BCAS3: variants seen among roughly 807,000 people sequenced by gnomAD.
BCAS3 encodes the protein BCAS3 microtubule associated cell migration factor.
A neutral mutation model predicts 116.1 loss-of-function variants in BCAS3; 53 were observed. That is an observed-to-expected ratio of 0.46 (90% CI 0.37 to 0.57). The LOEUF (loss-of-function observed/expected upper bound fraction) is 0.57. Among genes scored for constraint, BCAS3 ranks in the 20% least tolerant of loss-of-function variants. The pLI is 0.00. For missense variants in BCAS3, 917 were observed against 1,165.4 expected (o/e 0.79, Z 3.10); for synonymous variants, 391 against 408.2 (o/e 0.96, Z 0.51).
intron 22 of BCAS3, among the ~76,000 whole-genome samples, chr17:61,100,746 T>C (rs1293278812): frequency 6.6e-6 from 1 of 152,168 alleles, no homozygotes; most frequent in Non-Finnish European, 1.5e-5. Context: ...AAAGAGAAAC[T>C]GTGTGGCTAG....
rs571064997 is a variant in BCAS3 at position 61,008,376 on chromosome 17, C to G, written c.1487-7375C>G. Among the ~76,000 whole-genome samples, 2 of 151,936 alleles carry G rather than the reference C, an allele frequency of 1.3e-5. No homozygotes were observed. Among genetic ancestry groups the G allele is most frequent in the Admixed American group, 6.6e-5 (1 of 15,246 alleles). On this transcript the variant is annotated intron_variant, in intron 15 of 23. Coordinates refer to ENST00000407086, the MANE Select transcript of BCAS3 (RefSeq NM_017679.5). The surrounding 1 kb of genome is among the most constrained non-coding windows in gnomAD (Gnocchi z 4.6). The stretch of plus-strand genomic sequence containing the variant: ...AAAAATAACCCACCTGCAGGAAATT[C>G]CCTTCTACACAGGGTATTTTTTGTT...
At chr17:61,135,093 G>C (rs971600568) in intron 22 of BCAS3, among the ~76,000 whole-genome samples, 7 of 152,156 alleles carry the variant, frequency 4.6e-5, no homozygotes, top group Non-Finnish European at 8.8e-5. Context: ...AAACTGCGAC[G>C]TGTGAAGTGC....
intron 6 of BCAS3, among the ~76,000 whole-genome samples, chr17:60,765,760 C>A (rs1327346906): frequency 6.6e-6 from 1 of 152,144 alleles, no homozygotes; most frequent in South Asian, 2.1e-4. Flanking sequence ...TGGGGGAGTT[C>A]TCCTGGATAA....
intron 22 of BCAS3, among the ~76,000 whole-genome samples, chr17:61,340,632 C>T (rs146038240): frequency 2.6e-5 from 4 of 152,100 alleles, no homozygotes; most frequent in Admixed American, 6.5e-5. Flanking sequence ...CTGCGGGGGA[C>T]GGGGAGTGGG....
rs1441449731 is a variant in BCAS3 at position 61,214,202 on chromosome 17, T to TA, written c.2425+129644dup. ...CAACATGGCGAAACCCCATCTCTATTAAAAAATACAAAAATTAGCCAGGTG... is the reference window on the plus strand; with the variant it reads ...CAACATGGCGAAACCCCATCTCTATTAAAAAAATACAAAAATTAGCCAGGTG... On this transcript the variant is annotated intron_variant, in intron 22 of 23. Transcript: ENST00000407086. The surrounding 1 kb of genome is among the most constrained non-coding windows in gnomAD (Gnocchi z 4.4). Among the ~76,000 whole-genome samples the TA allele has an allele frequency of 6.6e-6, 1 of 151,530 alleles. No individual in the cohort carries two copies. The highest frequency in any genetic ancestry group is 2.4e-5 in the African/African-American group (1 of 41,208).
chr17:60,946,819 G>A (rs994402369), intron 13 of BCAS3, among the ~76,000 whole-genome samples: 1 of 152,154 alleles, frequency 6.6e-6, no homozygotes, highest in Non-Finnish European at 1.5e-5. Context: ...GCTGAGGCAG[G>A]AGGATCTCTT....
chr17:60,729,676 A>C (rs1361679292), intron 5 of BCAS3, among the ~76,000 whole-genome samples: 1 of 152,240 alleles, frequency 6.6e-6, no homozygotes, highest in Non-Finnish European at 1.5e-5. Flanking sequence ...GGGTTAAATC[A>C]AGATAGGTTT....
rs887664156 is a variant in BCAS3 at position 61,307,851 on chromosome 17, C to T, written c.2426-60476C>T. ...TTCCATATGACCTGTGTCAAATGCA[C>T]AGCAAAACATCTGATATATGGTTAC... is the stretch of plus-strand genomic sequence containing the variant. On this transcript the variant is annotated intron_variant, in intron 22 of 23. Transcript: ENST00000407086. This position sits in a 1 kb window ranked among gnomAD's most constrained non-coding sequence, Gnocchi z 4.7. 7.9e-5 allele frequency among the ~76,000 whole-genome samples: 12 copies of T among 152,124 alleles called. No homozygotes were observed. The highest frequency in any genetic ancestry group is 2.9e-4 in the African/African-American group (12 of 41,426).
At chr17:60,838,753 T>C (rs2051606082) in intron 7 of BCAS3, among the ~76,000 whole-genome samples, 4 of 152,328 alleles carry the variant, frequency 2.6e-5, no homozygotes, top group Admixed American at 2.6e-4. Context: ...TTTGGAAATG[T>C]TTTTCTAGAC....
intron 22 of BCAS3, among the ~76,000 whole-genome samples, chr17:61,093,256 G>A (rs2073743998): frequency 6.6e-6 from 1 of 152,052 alleles, no homozygotes; most frequent in African/African-American, 2.4e-5. Context: ...TATAGTTTAA[G>A]CCTTCACATT....
At chr17:60,948,208 G>A (rs1241903017) in intron 14 of BCAS3, among the ~76,000 whole-genome samples, 1 of 151,720 alleles carries the variant, frequency 6.6e-6, no homozygotes, top group African/African-American at 2.4e-5. Flanking sequence ...TCCCGGGTTC[G>A]AGCAATTTTC....
intron 22 of BCAS3, among the ~76,000 whole-genome samples, chr17:61,290,339 G>A (rs1044626548): frequency 3.3e-5 from 5 of 152,074 alleles, no homozygotes; most frequent in Admixed American, 2.0e-4. Context: ...GTCACAAAAC[G>A]TAAGTTAAAA....
chr17:60,679,338 A>G (rs1440958964), intron 1 of BCAS3, 115 bp from the exon 2 acceptor site: 1 of 672,886 alleles, frequency 1.5e-6, no homozygotes, highest in African/African-American at 1.8e-5. Flanking sequence ...AGTTTCCTAC[A>G]TTTGAGGCAT....
intron 14 of BCAS3, chr17:60,987,258 G>A (rs757280685): frequency 6.7e-6 from 1 of 150,216 alleles, no homozygotes; most frequent in East Asian, 1.9e-4. Flanking sequence ...TTGAAGTCAG[G>A]TAATGTGATT....
At chr17:60,822,362 C>T (rs1469903608) in intron 7 of BCAS3, among the ~76,000 whole-genome samples, 1 of 152,066 alleles carries the variant, frequency 6.6e-6, no homozygotes, top group Non-Finnish European at 1.5e-5. Flanking sequence ...ATTTTCAATC[C>T]TTAATTCAGT....
Position 61,302,628 on chromosome 17 carries a change from C to T in BCAS3, c.2426-65699C>T, listed in dbSNP as rs893881985. ...TATCATTATTACTCCCATTTTCTTG[C>T]TAAGGAAACTAAGATTTAGGTTACA... is the stretch of plus-strand genomic sequence containing the variant. On this transcript the variant is annotated intron_variant, in intron 22 of 23. Transcript: ENST00000407086. The surrounding 1 kb of genome is among the most constrained non-coding windows in gnomAD (Gnocchi z 4.4). Among the ~76,000 whole-genome samples, 5 of 152,128 alleles carry T rather than the reference C, an allele frequency of 3.3e-5. No individual in the cohort carries two copies. Among genetic ancestry groups the T allele is most frequent in the Admixed American group, 2.0e-4 (3 of 15,280 alleles).
chr17:61,088,480 A>G lies in BCAS3; in HGVS notation c.2425+3916A>G, dbSNP rs2073264930. Reference sequence around the variant, plus strand: ...TATGTTCATTTTGGCTAGATAGCTAAGAATTTCTTTCTATTCTTTGTACCT... The same window carrying G: ...TATGTTCATTTTGGCTAGATAGCTAGGAATTTCTTTCTATTCTTTGTACCT... On this transcript the variant is annotated intron_variant, in intron 22 of 23. Coordinates refer to ENST00000407086, the MANE Select transcript of BCAS3 (RefSeq NM_017679.5). This position sits in a 1 kb window ranked among gnomAD's most constrained non-coding sequence, Gnocchi z 4.2. Among the ~76,000 whole-genome samples the G allele has an allele frequency of 2.6e-5, 4 of 152,250 alleles. No homozygotes were observed. Among genetic ancestry groups the G allele is most frequent in the African/African-American group, 4.8e-5 (2 of 41,468 alleles).
Position 61,098,389 on chromosome 17 carries a change from G to T in BCAS3, c.2425+13825G>T, listed in dbSNP as rs994085211. ...ATAGGATTAGAACATTGTATTTTTG[G>T]TTTTGGGTGCTGAAGTTCTAATCTT... On this transcript the variant is annotated intron_variant, in intron 22 of 23. Transcript: ENST00000407086. This position sits in a 1 kb window ranked among gnomAD's most constrained non-coding sequence, Gnocchi z 4.2. Among the ~76,000 whole-genome samples the T allele has an allele frequency of 6.6e-6, 1 of 152,082 alleles. No individual in the cohort carries two copies. Among genetic ancestry groups the T allele is most frequent in the African/African-American group, 2.4e-5 (1 of 41,402 alleles).
chr17:61,348,013 G>T lies in BCAS3; in HGVS notation c.2426-20314G>T, dbSNP rs2057604643. ...TGTTCAGATTCACATTGTAGAAAAG[G>T]TCACCCAGGTGGCACTAGGAAGAAT... On this transcript the variant is annotated intron_variant, in intron 22 of 23. Transcript: ENST00000407086. This position sits in a 1 kb window ranked among gnomAD's most constrained non-coding sequence, Gnocchi z 4.5. 6.6e-6 allele frequency among the ~76,000 whole-genome samples: 1 copy of T among 152,198 alleles called. No homozygotes were observed. Among genetic ancestry groups the T allele is most frequent in the African/African-American group, 2.4e-5 (1 of 41,458 alleles).
Sources: allele counts gnomAD v4.1 joint callset (sites outside exome capture counted in the v4.1 genomes callset), GRCh38; gene constraint gnomAD v4.1.1; non-coding constraint Gnocchi (gnomAD v3.1); transcripts MANE v1.5; gene names NCBI Gene and HGNC (gene_info 2026-07-23, HGNC 2026-07-21).